DSCAM: variants seen among roughly 807,000 people sequenced by gnomAD.
DSCAM encodes the protein DS cell adhesion molecule, also known as cell adhesion molecule DSCAM.
DSCAM carries 47 observed loss-of-function variants against 217.7 expected under a neutral mutation model. That is an observed-to-expected ratio of 0.22 (90% CI 0.17 to 0.28). The LOEUF (loss-of-function observed/expected upper bound fraction) is 0.28, where lower values mean the gene tolerates loss of function less well. Among genes scored for constraint, DSCAM ranks in the 10% least tolerant of loss-of-function variants. The pLI, the probability that DSCAM is intolerant of heterozygous loss-of-function variation, is 1.00. For missense variants in DSCAM, 2,080 were observed against 2,618.3 expected (o/e 0.79, Z 4.49); for synonymous variants, 1,056 against 1,015.3 (o/e 1.04, Z -0.76).
chr21:40,637,138 AATAT>A (rs1292037385), intron 3 of DSCAM, among the ~76,000 whole-genome samples: 1 of 35,104 alleles, frequency 2.8e-5, no homozygotes, highest in African/African-American at 1.1e-4. Flanking sequence ...TAAATATATA[AATAT>A]ATATATAAAT....
In DSCAM at chr21:40,778,356, T is replaced by C. The variant is rs188276206; in HGVS notation, c.43+68263A>G. Among the ~76,000 whole-genome samples, 146 of 152,278 alleles carry C rather than the reference T, an allele frequency of 9.6e-4. 2 individuals are homozygous for C. The highest frequency in any genetic ancestry group is 9.0e-3 in the Admixed American group (138 of 15,300). ...GGAGCATGTAAGTTTTGTTTGATTG[T>C]TTCTTTGTTTTTGAGACGGAGTCCT... is the stretch of plus-strand genomic sequence containing the variant. On this transcript the variant is annotated intron_variant, in intron 1 of 32. Coordinates refer to ENST00000400454, the MANE Select transcript of DSCAM (RefSeq NM_001389.5).
Position 40,044,088 on chromosome 21 carries a change from C to A in DSCAM, c.5373G>T (p.Ser1791=), listed in dbSNP as rs200612082. The change falls in exon 31 of 33, where the codon TCG becomes TCT. Residue 1791 remains serine, a synonymous_variant. Coordinates refer to ENST00000400454, the MANE Select transcript of DSCAM (RefSeq NM_001389.5). ...AGCGTCAGGGCCTACCTGTGTCTTG[C>A]GAGGGGCTGACGCTGTAACTGTCGC... The part of the protein sequence containing the change: ...KESDSYSVSP[S]QDTDRARSSM... 26 of 1,613,508 alleles carry A rather than the reference C, an allele frequency of 1.6e-5. No homozygotes were observed. Among genetic ancestry groups the A allele is most frequent in the South Asian group, 2.2e-5 (2 of 91,038 alleles).
intron 1 of DSCAM, among the ~76,000 whole-genome samples, chr21:40,754,662 C>T (rs1287606183): frequency 6.6e-6 from 1 of 152,152 alleles, no homozygotes; most frequent in Non-Finnish European, 1.5e-5. Flanking sequence ...CAAAGAGAGT[C>T]CTTAGGGGAA....
chr21:40,022,070 A>G (rs1021892707), intron 32 of DSCAM, among the ~76,000 whole-genome samples: 1 of 152,248 alleles, frequency 6.6e-6, no homozygotes, highest in African/African-American at 2.4e-5. Context: ...GAAGCAATTC[A>G]GAAAATGGAT....
intron 3 of DSCAM, among the ~76,000 whole-genome samples, chr21:40,661,260 A>C (rs1037982541): frequency 2.6e-5 from 4 of 152,254 alleles, no homozygotes; most frequent in African/African-American, 9.6e-5. Context: ...AGATGTGTAT[A>C]GAAAATGTGA....
At chr21:40,182,032 G>A (rs1396144206) in intron 14 of DSCAM, among the ~76,000 whole-genome samples, 1 of 151,942 alleles carries the variant, frequency 6.6e-6, no homozygotes, top group African/African-American at 2.4e-5. Flanking sequence ...GTGCTTGCTG[G>A]GGAGCTCGCC....
intron 14 of DSCAM, among the ~76,000 whole-genome samples, 157 bp from the exon 15 acceptor site, chr21:40,179,251 T>A (rs2090772617): frequency 7.2e-6 from 1 of 138,700 alleles, no homozygotes; most frequent in Non-Finnish European, 1.5e-5. Context: ...GATTTCTGAA[T>A]GCAATGTTCC....
At chr21:40,346,767 T>C (rs538960968) in intron 6 of DSCAM, among the ~76,000 whole-genome samples, 7 of 152,176 alleles carry the variant, frequency 4.6e-5, no homozygotes, top group Non-Finnish European at 1.0e-4. Flanking sequence ...CTGAGAACAT[T>C]TGGATGGAAC....
At position 40,402,098 on chromosome 21, in the gene DSCAM, C is replaced by T. The variant is rs536190357; in HGVS notation, c.509-32853G>A. On this transcript the variant is annotated intron_variant, in intron 3 of 32. Coordinates refer to ENST00000400454, the MANE Select transcript of DSCAM (RefSeq NM_001389.5). The stretch of plus-strand genomic sequence containing the variant: ...TTTTTGAGACAGAGTCTCGCTCTGT[C>T]GCCCGGGCTGGAGTACAGTGGTGCC... 1.4e-4 allele frequency among the ~76,000 whole-genome samples: 16 copies of T among 113,886 alleles called. No homozygotes were observed. In the South Asian group the frequency reaches 2.2e-3, roughly 16 times the overall value. The allele number at this position is 113,886 out of a possible 152,430, so 74.7% of individuals were successfully genotyped here. A position where few individuals can be genotyped will look rare whatever the true frequency, so the allele number is the denominator to read the frequency against.
intron 4 of DSCAM, among the ~76,000 whole-genome samples, chr21:40,368,738 C>T (rs1326482735): frequency 6.6e-6 from 1 of 152,154 alleles, no homozygotes; most frequent in Non-Finnish European, 1.5e-5. Context: ...TATTCTTCAG[C>T]TACAAAGGCA....
intron 3 of DSCAM, among the ~76,000 whole-genome samples, chr21:40,405,333 A>G (rs894768472): frequency 6.6e-6 from 1 of 152,194 alleles, no homozygotes; most frequent in Non-Finnish European, 1.5e-5. Context: ...GGAGTTGAGC[A>G]ATTTATCAAG....
At chr21:40,589,111 C>T (rs534795586) in intron 3 of DSCAM, among the ~76,000 whole-genome samples, 26 of 147,088 alleles carry the variant, frequency 1.8e-4, no homozygotes, top group African/African-American at 3.1e-4. Context: ...TTATTCACAA[C>T]GAAATTGCAA....
intron 1 of DSCAM, among the ~76,000 whole-genome samples, chr21:40,840,520 G>A (rs765067039): frequency 3.9e-5 from 6 of 152,198 alleles, no homozygotes; most frequent in Non-Finnish European, 7.3e-5. Flanking sequence ...CCAGCACATG[G>A]ATGAAATTAT....
At chr21:40,512,361 T>G (rs1568865994) in intron 3 of DSCAM, among the ~76,000 whole-genome samples, 1 of 152,084 alleles carries the variant, frequency 6.6e-6, no homozygotes, top group Non-Finnish European at 1.5e-5. Context: ...CAGAGGTAGG[T>G]TTACTCTCCT....
chr21:40,792,139 T>TC (rs35325529), intron 1 of DSCAM, among the ~76,000 whole-genome samples: 41,803 of 113,946 alleles, frequency 0.37, 7,292 homozygotes, highest in South Asian at 0.52. Flanking sequence ...TTCTTCTTCT[T>TC]TTTTTTTTTT....
At chr21:40,428,231 AC>A (rs2075494650) in intron 3 of DSCAM, among the ~76,000 whole-genome samples, 1 of 137,256 alleles carries the variant, frequency 7.3e-6, no homozygotes, top group African/African-American at 2.7e-5. Context: ...GAGGGCAAAT[AC>A]TTTGTGTGTG....
chr21:40,103,857 CTATATA>C (rs1177547535), intron 20 of DSCAM, among the ~76,000 whole-genome samples: 1 of 150,454 alleles, frequency 6.6e-6, no homozygotes, highest in Non-Finnish European at 1.5e-5. Context: ...TATATGTAGA[CTATATA>C]TATAATTATA....
chr21:40,266,636 TATATATATATA>T (rs2073532457), intron 11 of DSCAM, among the ~76,000 whole-genome samples: 1 of 23,620 alleles, frequency 4.2e-5, no homozygotes, highest in African/African-American at 1.4e-4. Context: ...AAAGATGTTT[TATATATATATA>T]TATATATATA....
intron 3 of DSCAM, among the ~76,000 whole-genome samples, chr21:40,436,381 C>T (rs2075582778): frequency 6.6e-6 from 1 of 152,176 alleles, no homozygotes; most frequent in Admixed American, 6.5e-5. Context: ...CATCATAGTC[C>T]TCTGGGGGAA....
Sources: allele counts gnomAD v4.1 joint callset (sites outside exome capture counted in the v4.1 genomes callset), GRCh38; gene constraint gnomAD v4.1.1; transcripts MANE v1.5; gene names NCBI Gene and HGNC (gene_info 2026-07-23, HGNC 2026-07-21).